The following HNRNPU variants were observed in gnomAD, a reference collection of about 807,000 sequenced individuals.
The protein encoded by HNRNPU is heterogeneous nuclear ribonucleoprotein U.
In HNRNPU, 5 loss-of-function variants were observed where a neutral mutation model predicts 94.7. That is an observed-to-expected ratio of 0.05 (90% confidence interval 0.03 to 0.11). The LOEUF is 0.11. Among genes scored for constraint, HNRNPU ranks in the 10% least tolerant of loss-of-function variants. The probability of loss-of-function intolerance (pLI) is 1.00; values close to 1 mark genes in which losing one functional copy is unlikely to be tolerated. For synonymous variants in HNRNPU, 434 were observed against 381.6 expected (o/e 1.14, Z -1.60); for missense variants, 710 against 1,049.2 (o/e 0.68, Z 4.47).
intron 3 of HNRNPU, 139 bp from the exon 4 acceptor site, chr1:244,860,613 A>G: frequency 1.5e-6 from 1 of 660,664 alleles, no homozygotes; most frequent in Non-Finnish European, 2.6e-6. Flanking sequence ...CTGTTGTTCC[A>G]ATTTTCAGTT....
chr1:244,858,259 C>T lies in HNRNPU; in HGVS notation c.1246G>A (p.Glu416Lys). 1 of 1,613,566 alleles carries T rather than the reference C, an allele frequency of 6.2e-7. No individual in the cohort carries two copies. Among genetic ancestry groups the T allele is most frequent in the South Asian group, 1.1e-5 (1 of 90,986 alleles). Reference protein sequence around the residue: ...ITCFANFESDEVELSYAKNGQ... With the variant: ...ITCFANFESDKVELSYAKNGQ... Reference sequence around the variant, plus strand: ...TTCTTAGCATACGAGAGTTCTACTTCATCACTTTCAAAGTTCTGTTACACA... The same window carrying T: ...TTCTTAGCATACGAGAGTTCTACTTTATCACTTTCAAAGTTCTGTTACACA... The change falls in exon 7 of 14, where the codon GAA becomes AAA. Residue 416 changes from glutamate (E) to lysine (K), a missense_variant. Physicochemically the swap from Glu to Lys is moderately conservative, Grantham distance 56. Coordinates refer to ENST00000640218, the MANE Select transcript of HNRNPU (RefSeq NM_031844.3).
chr1:244,863,931 G>GCCTCCT lies in HNRNPU; in HGVS notation c.371_376dup (p.Glu124_Glu125dup), dbSNP rs747108904. ...GTCGCCGTTCTCGTCTTCCGAGGCGGCCTCCTCCTCCTCCATCGGGCCCGA... is the reference window on the plus strand; with the variant it reads ...GTCGCCGTTCTCGTCTTCCGAGGCGGCCTCCTCCTCCTCCTCCTCCATCGGGCCCGA... On this transcript the variant is annotated inframe_insertion, in exon 1 of 14. Coordinates refer to ENST00000640218, the MANE Select transcript of HNRNPU (RefSeq NM_031844.3). 6.2e-7 allele frequency: 1 copy of GCCTCCT among 1,613,690 alleles called. No individual in the cohort carries two copies. The highest frequency in any genetic ancestry group is 1.1e-5 in the South Asian group (1 of 91,074).
At chr1:244,858,922 C>T (rs1421848017) in intron 5 of HNRNPU, 81 bp from the exon 6 acceptor site, 3 of 694,368 alleles carry the variant, frequency 4.3e-6, no homozygotes, top group South Asian at 1.7e-5. Context: ...AAGATGTAGG[C>T]TACAAGAGAA....
rs1558185970 is a variant in HNRNPU at position 244,855,520 on chromosome 1, T to C, written c.2256A>G (p.Pro752=). The change falls in exon 12 of 14, where the codon CCA becomes CCG. Residue 752 remains proline (P), a synonymous_variant. Transcript: ENST00000640218. The part of the protein sequence containing the change: ...GGGGSGGIGY[P]YPRAPVFPGR... ...CAGGAAAAACAGGGGCACGAGGGTA[T>C]GGATAGCCGATTCCACCACTTCCTC... 1 of 1,614,070 alleles carries C rather than the reference T, an allele frequency of 6.2e-7. No individual in the cohort carries two copies. Among genetic ancestry groups the C allele is most frequent in the East Asian group, 2.2e-5 (1 of 44,878 alleles).
In HNRNPU at chr1:244,854,261, C is replaced by T; in HGVS notation, c.*189G>A. 1 of 581,162 alleles carries T rather than the reference C, an allele frequency of 1.7e-6. No individual in the cohort carries two copies. The highest frequency in any genetic ancestry group is 3.1e-6 in the Non-Finnish European group (1 of 326,064). 36.0% of individuals were successfully genotyped at this position (581,162 alleles called of 1,614,324 possible). The stretch of plus-strand genomic sequence containing the variant: ...ACAATGCTGAGGTTCTCTTACGATT[C>T]ACTTTTAAACTGCAATTAAAAATGT... On this transcript the variant is annotated 3_prime_UTR_variant, in exon 14 of 14. Transcript: ENST00000640218.
chr1:244,861,827 T>C (rs1384616060), intron 3 of HNRNPU: 2 of 151,354 alleles, frequency 1.3e-5, no homozygotes, highest in Non-Finnish European at 2.9e-5. Context: ...GCAACCCAAC[T>C]GGGTAAAGTA....
rs946224442 is a variant in HNRNPU at position 244,852,974 on chromosome 1, T to C, written c.*1476A>G. The C allele has an allele frequency of 6.6e-6, 1 of 152,594 alleles. No homozygotes were observed. Among genetic ancestry groups the C allele is most frequent in the African/African-American group, 2.4e-5 (1 of 41,434 alleles). The allele number at this position is 152,594 out of a possible 1,614,324, so 9.5% of individuals were successfully genotyped here. A position where few individuals can be genotyped will look rare whatever the true frequency, so the allele number is the denominator to read the frequency against. ...ATCTAATGTTATTACATAGCTACAG[T>C]CAAGTTAGCAGTGTTGTGTAGCAGT... On this transcript the variant is annotated 3_prime_UTR_variant, in exon 14 of 14. Coordinates refer to ENST00000640218, the MANE Select transcript of HNRNPU (RefSeq NM_031844.3).
Position 244,864,387 on chromosome 1 carries a change from C to G in HNRNPU, c.-80G>C, listed in dbSNP as rs781346505. ...CGGCCACTGGTGGCGGCTGCTGCGG[C>G]TGCTCCTCGGCCCGGGCGGCGGCTG... On this transcript the variant is annotated 5_prime_UTR_variant, in exon 1 of 14. Coordinates refer to ENST00000640218, the MANE Select transcript of HNRNPU (RefSeq NM_031844.3). The G allele has an allele frequency of 1.9e-6, 3 of 1,585,876 alleles. No individual in the cohort carries two copies. In the African/African-American group the frequency reaches 4.1e-5, roughly 22 times the overall value.
At chr1:244,863,572 C>T (rs1472429485) in intron 1 of HNRNPU, 45 bp downstream of exon 1, 4 of 1,374,868 alleles carry the variant, frequency 2.9e-6, no homozygotes, top group Non-Finnish European at 3.7e-6. Flanking sequence ...GGTCCCCACC[C>T]CGCGCGGGCC....
At position 244,862,734 on chromosome 1, in the gene HNRNPU, A is replaced by T. The variant is rs767942065; in HGVS notation, c.692-4T>A. On this transcript the variant is annotated splice_polypyrimidine_tract_variant and splice_region_variant and intron_variant, in intron 1 of 13. Transcript: ENST00000640218. ...TTCTGTTCTGTTTTGCCGTCCCCTAAAACACACACGAGCCCCATAAAGGCC... is the reference window on the plus strand; with the variant it reads ...TTCTGTTCTGTTTTGCCGTCCCCTATAACACACACGAGCCCCATAAAGGCC... 4.4e-6 allele frequency: 7 copies of T among 1,608,800 alleles called. No homozygotes were observed. The highest frequency in any genetic ancestry group is 2.2e-5 in the East Asian group (1 of 44,872).
At position 244,863,880 on chromosome 1, in the gene HNRNPU, T is replaced by C; in HGVS notation, c.428A>G (p.Asp143Gly). ...GCCTTCCTCTTCGTCCCCGAGCTCA[T>C]CTTCCCCTTCCTGGAAACCCTGATC... ...GDDQGFQEGE[D>G]ELGDEEEGAG... The change falls in exon 1 of 14, where the codon GAT becomes GGT. Residue 143 changes from aspartate to glycine, a missense_variant. Coordinates refer to ENST00000640218, the MANE Select transcript of HNRNPU (RefSeq NM_031844.3). 6.2e-7 allele frequency: 1 copy of C among 1,613,800 alleles called. No individual in the cohort carries two copies. The highest frequency in any genetic ancestry group is 8.5e-7 in the Non-Finnish European group (1 of 1,179,880).
At position 244,854,162 on chromosome 1, in the gene HNRNPU, TAAAAAA is replaced by T. The variant is rs769259590; in HGVS notation, c.*282_*287del. The T allele has an allele frequency of 8.5e-6, 2 of 236,072 alleles. No homozygotes were observed. Among genetic ancestry groups the T allele is most frequent in the South Asian group, 6.4e-5 (1 of 15,618 alleles). The allele number at this position is 236,072 out of a possible 1,614,324, so 14.6% of individuals were successfully genotyped here. ...AAGCAACATTTTACTTCTGTTGTGA[TAAAAAA>T]AAAAAAAAGTCACATTTTACAGATA... On this transcript the variant is annotated 3_prime_UTR_variant, in exon 14 of 14. Coordinates refer to ENST00000640218, the MANE Select transcript of HNRNPU (RefSeq NM_031844.3).
chr1:244,854,759 T>C, intron 13 of HNRNPU: 1 of 504,554 alleles, frequency 2.0e-6, no homozygotes. Context: ...TATTAAATAA[T>C]ATTACTTTAT....
At position 244,857,091 on chromosome 1, in the gene HNRNPU, C is replaced by T. The variant is rs905180599; in HGVS notation, c.1615-235G>A. The T allele has an allele frequency of 1.3e-5, 5 of 387,550 alleles. No homozygotes were observed. The East Asian group carries it at 2.3e-4, about 18-fold the overall frequency. 24.0% of individuals were successfully genotyped at this position (387,550 alleles called of 1,614,324 possible). A position where few individuals can be genotyped will look rare whatever the true frequency, so the allele number is the denominator to read the frequency against. On this transcript the variant is annotated intron_variant, in intron 8 of 13. Coordinates refer to ENST00000640218, the MANE Select transcript of HNRNPU (RefSeq NM_031844.3). ...AGCTCAAAAACACTACGGAAAAAAA[C>T]AGAAGCCTAGCCAGTGGAAGGCAGT...
intron 1 of HNRNPU, among the ~76,000 whole-genome samples, chr1:244,863,257 C>G (rs1052694854): frequency 6.6e-6 from 1 of 150,922 alleles, no homozygotes; most frequent in African/African-American, 2.4e-5. Flanking sequence ...GTGCCCGCAC[C>G]GCGCGCACGC....
Position 244,862,463 on chromosome 1 carries a change from G to A in HNRNPU, c.875C>T (p.Thr292Ile), listed in dbSNP as rs141449330. ...TGGGGAGAAACAGCTTCACTTACAA[G>A]TATCAAGACAAACCACTGTGTCATC... ...HFDDTVVCLD[T>I]YNCDLHFKIS... The change falls in exon 3 of 14, where the codon ACT becomes ATT. Residue 292 changes from threonine (T) to isoleucine (I), a missense_variant and splice_region_variant. Transcript: ENST00000640218. 4.0e-5 allele frequency: 63 copies of A among 1,566,688 alleles called. No individual in the cohort carries two copies. The highest frequency in any genetic ancestry group is 3.4e-4 in the Middle Eastern group (2 of 5,894).
chr1:244,857,888 T>C (rs539123068), intron 7 of HNRNPU, 123 bp downstream of exon 7: 2 of 1,305,706 alleles, frequency 1.5e-6, no homozygotes, highest in East Asian at 4.7e-5. Flanking sequence ...AACAATTACT[T>C]AAGAGCAATA....
intron 10 of HNRNPU, 100 bp downstream of exon 10, chr1:244,856,357 A>C: frequency 1.5e-6 from 2 of 1,317,146 alleles, no homozygotes; most frequent in Non-Finnish European, 2.1e-6. Flanking sequence ...AGGAGGCCTA[A>C]GTCCTAATAG....
chr1:244,864,405 G>A lies in HNRNPU; in HGVS notation c.-98C>T. Reference sequence around the variant, plus strand: ...GCTGCGGCTGCTCCTCGGCCCGGGCGGCGGCTGCGGCTGCGGCTGGAGATG... The same window carrying A: ...GCTGCGGCTGCTCCTCGGCCCGGGCAGCGGCTGCGGCTGCGGCTGGAGATG... On this transcript the variant is annotated 5_prime_UTR_variant, in exon 1 of 14. Coordinates refer to ENST00000640218, the MANE Select transcript of HNRNPU (RefSeq NM_031844.3). The A allele has an allele frequency of 3.8e-6, 6 of 1,567,118 alleles. No homozygotes were observed. The highest frequency in any genetic ancestry group is 1.4e-5 in the African/African-American group (1 of 72,182).
Sources: gnomAD v4.1 joint callset for allele counts (sites outside exome capture counted in the v4.1 genomes callset) on GRCh38, gnomAD v4.1.1 for gene constraint, MANE v1.5 for transcripts, NCBI Gene and HGNC (gene_info 2026-07-23, HGNC 2026-07-21) for gene names.